The following PRDM12 variants were observed in gnomAD, a reference collection of about 807,000 sequenced individuals.
The protein encoded by PRDM12 is PR domain zinc finger protein 12.
PRDM12 carries 17 observed loss-of-function variants against 29.6 expected under a neutral mutation model. The observed-to-expected ratio is 0.57, with a 90% CI of 0.39 to 0.86. The LOEUF (loss-of-function observed/expected upper bound fraction) is 0.86, where lower values mean the gene tolerates loss of function less well. Among genes scored for constraint, PRDM12 ranks in the 40% least tolerant of loss-of-function variants. The pLI, the probability that PRDM12 is intolerant of heterozygous loss-of-function variation, is 0.00. For synonymous variants in PRDM12, 231 were observed against 225.8 expected, an observed-to-expected ratio of 1.02 and a Z score of -0.21; for missense variants, 422 against 510.8, an observed-to-expected ratio of 0.83 and a Z score of 1.68.
Position 130,664,627 on chromosome 9 carries a change from C to CCGGCG in PRDM12, c.-25_-21dup. 1 of 1,510,308 alleles carries CCGGCG rather than the reference C, an allele frequency of 6.6e-7. No homozygotes were observed. Among genetic ancestry groups the CCGGCG allele is most frequent in the Non-Finnish European group, 8.8e-7 (1 of 1,134,052 alleles). 93.6% of individuals were successfully genotyped at this position (1,510,308 alleles called of 1,614,324 possible). ...CCTCCCCCGTCGGCCCGGCCGTCCC[C>CCGGCG]CGGCGCCGGGGAGCTCCGGGCCGCC... On this transcript the variant is annotated 5_prime_UTR_variant, in exon 1 of 5. Coordinates refer to ENST00000253008, the MANE Select transcript of PRDM12 (RefSeq NM_021619.3). The surrounding 1 kb of genome is among the most constrained non-coding windows in gnomAD (Gnocchi z 6.4).
chr9:130,666,467 C>T, intron 1 of PRDM12, 141 bp from the exon 2 acceptor site: 1 of 1,083,246 alleles, frequency 9.2e-7, no homozygotes, highest in Non-Finnish European at 1.3e-6. Flanking sequence ...TCCTCCACAC[C>T]CGGGTGGCTT....
At chr9:130,679,136 C>T (rs1252241308) in intron 4 of PRDM12, among the ~76,000 whole-genome samples, 1 of 152,070 alleles carries the variant, frequency 6.6e-6, no homozygotes, top group South Asian at 2.1e-4. Flanking sequence ...GTAGATGCTC[C>T]GTATAAGCCT....
Position 130,668,271 on chromosome 9 carries a change from G to A in PRDM12, c.528G>A (p.Glu176=), listed in dbSNP as rs779092078. ...GTAACGAACAGGAGCAGAACCTGGA[G>A]GTGGTCCAGATCGGCACCAGCATCT... ...CARNEQEQNL[E]VVQIGTSIFY... The change falls in exon 3 of 5, where the codon GAG becomes GAA. Residue 176 remains glutamate, a synonymous_variant. Transcript: ENST00000253008. This position sits in a 1 kb window ranked among gnomAD's most constrained non-coding sequence, Gnocchi z 4.0. The A allele has an allele frequency of 6.8e-6, 11 of 1,614,218 alleles. No homozygotes were observed. The highest frequency in any genetic ancestry group is 6.6e-5 in the South Asian group (6 of 91,086).
intron 3 of PRDM12, among the ~76,000 whole-genome samples, chr9:130,674,872 C>A (rs1564247276): frequency 6.6e-6 from 1 of 152,136 alleles, no homozygotes; most frequent in African/African-American, 2.4e-5. Flanking sequence ...TAGTCACCAT[C>A]AGAGTTCTTA....
chr9:130,669,128 C>A (rs548041277), intron 3 of PRDM12, among the ~76,000 whole-genome samples: 1 of 151,896 alleles, frequency 6.6e-6, no homozygotes, highest in South Asian at 2.1e-4. Flanking sequence ...GAGATCGAGA[C>A]CATCCTGGCT....
In PRDM12 at chr9:130,668,433, G is replaced by T; in HGVS notation, c.570+120G>T. On this transcript the variant is annotated intron_variant, in intron 3 of 4. Coordinates refer to ENST00000253008, the MANE Select transcript of PRDM12 (RefSeq NM_021619.3). The surrounding 1 kb of genome is among the most constrained non-coding windows in gnomAD (Gnocchi z 4.0). ...ACAGAGGGGAGCTGACACTGGCCTCGCTGGCTCTGCGCAGGCCATGGGGCT... is the reference window on the plus strand; with the variant it reads ...ACAGAGGGGAGCTGACACTGGCCTCTCTGGCTCTGCGCAGGCCATGGGGCT... 4 of 1,482,042 alleles carry T rather than the reference G, an allele frequency of 2.7e-6. No individual in the cohort carries two copies. Among genetic ancestry groups the T allele is most frequent in the Non-Finnish European group, 2.8e-6 (3 of 1,086,576 alleles). 91.8% of individuals were successfully genotyped at this position (1,482,042 alleles called of 1,614,324 possible). A position where few individuals can be genotyped will look rare whatever the true frequency, so the allele number is the denominator to read the frequency against.
In PRDM12 at chr9:130,668,289, C is replaced by T; in HGVS notation, c.546C>T (p.Thr182=). The T allele has an allele frequency of 6.2e-7, 1 of 1,614,076 alleles. No individual in the cohort carries two copies. The change falls in exon 3 of 5, where the codon ACC becomes ACT. Residue 182 remains threonine, a synonymous_variant. Transcript: ENST00000253008. This position sits in a 1 kb window ranked among gnomAD's most constrained non-coding sequence, Gnocchi z 4.0. ...ACCTGGAGGTGGTCCAGATCGGCACCAGCATCTTCTACAAGGCCATTGAGG... is the reference window on the plus strand; with the variant it reads ...ACCTGGAGGTGGTCCAGATCGGCACTAGCATCTTCTACAAGGCCATTGAGG... The part of the protein sequence containing the change: ...EQNLEVVQIG[T]SIFYKAIEMI...
At chr9:130,670,488 T>C (rs535172457) in intron 3 of PRDM12, among the ~76,000 whole-genome samples, 3 of 152,136 alleles carry the variant, frequency 2.0e-5, no homozygotes, top group Admixed American at 2.0e-4. Context: ...GGTTCCTGAA[T>C]TGGGTTTGAA....
intron 4 of PRDM12, among the ~76,000 whole-genome samples, chr9:130,679,364 A>C (rs1588189000): frequency 9.3e-6 from 1 of 107,856 alleles, no homozygotes; most frequent in Non-Finnish European, 1.7e-5. Flanking sequence ...ACTGAGTTTC[A>C]CTCTGTCACC....
intron 3 of PRDM12, among the ~76,000 whole-genome samples, chr9:130,675,127 G>A (rs949918110): frequency 2.0e-5 from 3 of 152,106 alleles, no homozygotes; most frequent in Non-Finnish European, 2.9e-5. Context: ...TGATCTGCCC[G>A]CCTCGGCCTC....
Position 130,666,642 on chromosome 9 carries a change from G to A in PRDM12, c.258G>A (p.Ala86=). 2 of 1,612,904 alleles carry A rather than the reference G, an allele frequency of 1.2e-6. No homozygotes were observed. Among genetic ancestry groups the A allele is most frequent in the Non-Finnish European group, 1.7e-6 (2 of 1,179,646 alleles). The part of the protein sequence containing the change: ...VQKLSSLVLP[A]EVIIAQSSIP... ...AGCTGTCCAGCCTGGTGCTGCCTGC[G>A]GAGGTGATCATCGCTCAGAGCTCCA... Residue 86 remains alanine (A), a synonymous_variant, in exon 2 of 5, where the codon GCG becomes GCA. Coordinates refer to ENST00000253008, the MANE Select transcript of PRDM12 (RefSeq NM_021619.3).
At chr9:130,676,590 G>T (rs1468126489) in intron 3 of PRDM12, among the ~76,000 whole-genome samples, 1 of 152,198 alleles carries the variant, frequency 6.6e-6, no homozygotes, top group African/African-American at 2.4e-5. Context: ...GCTCTGACCT[G>T]CTGGCCTCCT....
chr9:130,674,371 A>ACCC (rs981725351), intron 3 of PRDM12, among the ~76,000 whole-genome samples: 8 of 151,428 alleles, frequency 5.3e-5, no homozygotes, highest in Admixed American at 2.0e-4. Flanking sequence ...CTGGTCTTGA[A>ACCC]CCCCTGGCCT....
intron 3 of PRDM12, among the ~76,000 whole-genome samples, chr9:130,676,876 T>C (rs1052379393): frequency 1.3e-5 from 2 of 152,030 alleles, no homozygotes; most frequent in African/African-American, 2.4e-5. Context: ...CACTCTCCTG[T>C]TCCCACCCCT....
rs1330652785 is a variant in PRDM12 at position 130,680,641 on chromosome 9, ATATATATATATATATATATTTT to A, written c.683-605_683-584del. ...CTCCGTCTAAAAAAAAAAAATATAT[ATATATATATATATATATATTTT>A]TTTTTTTTTTAACTGATCCTTACCA... On this transcript the variant is annotated intron_variant, in intron 4 of 4. Transcript: ENST00000253008. 4.0e-5 allele frequency among the ~76,000 whole-genome samples: 3 copies of A among 75,422 alleles called. No homozygotes were observed. In the East Asian group the frequency reaches 1.2e-3, roughly 31 times the overall value. 49.5% of individuals were successfully genotyped at this position (75,422 alleles called of 152,430 possible).
Position 130,668,221 on chromosome 9 carries a change from T to C in PRDM12, c.478T>C (p.Trp160Arg), listed in dbSNP as rs1479555418. The C allele has an allele frequency of 1.2e-6, 2 of 1,614,134 alleles. No individual in the cohort carries two copies. The highest frequency in any genetic ancestry group is 1.7e-5 in the Admixed American group (1 of 60,024). Reference sequence around the variant, plus strand: ...TGCCAGCCAGGAGGACCACCGGAGCTGGATGACCTACATCAAGTGTGCACG... The same window carrying C: ...TGCCAGCCAGGAGGACCACCGGAGCCGGATGACCTACATCAAGTGTGCACG... ...IDASQEDHRS[W>R]MTYIKCARNE... is the part of the protein sequence containing the mutation. The change falls in exon 3 of 5, where the codon TGG becomes CGG. Residue 160 changes from tryptophan (W) to arginine (R), a missense_variant. Physicochemically the swap from Trp to Arg is moderately radical, Grantham distance 101. Around this residue, in one of 5 missense-constraint regions of PRDM12, gnomAD observed 300 missense variants for 350.0 expected, o/e 0.86. Transcript: ENST00000253008. This position sits in a 1 kb window ranked among gnomAD's most constrained non-coding sequence, Gnocchi z 4.0.
At chr9:130,679,880 G>T in intron 4 of PRDM12, among the ~76,000 whole-genome samples, 1 of 151,002 alleles carries the variant, frequency 6.6e-6, no homozygotes, top group African/African-American at 2.4e-5. Context: ...CAGCTGGTCT[G>T]GAACTCCTGG....
intron 3 of PRDM12, among the ~76,000 whole-genome samples, chr9:130,669,396 G>A (rs986120224): frequency 3.3e-5 from 5 of 152,088 alleles, no homozygotes; most frequent in South Asian, 2.1e-4. Context: ...GGTGGCAGAC[G>A]CCTGTAATCT....
chr9:130,678,192 G>T (rs1376922976), intron 3 of PRDM12, among the ~76,000 whole-genome samples: 4 of 151,926 alleles, frequency 2.6e-5, no homozygotes, highest in Admixed American at 2.6e-4. Context: ...TAGTTCCCCG[G>T]GGTAAGAATG....
Sources: allele counts gnomAD v4.1 joint callset (sites outside exome capture counted in the v4.1 genomes callset), GRCh38; gene constraint gnomAD v4.1.1; regional missense constraint gnomAD v4.1.1; non-coding constraint Gnocchi (gnomAD v3.1); transcripts MANE v1.5; gene names NCBI Gene and HGNC (gene_info 2026-07-23, HGNC 2026-07-21).